Variants in ISY1 observed in about 807,000 individuals in gnomAD.
ISY1 encodes the protein ISY1 spliceosome associated protein, also known as pre-mRNA-splicing factor ISY1 homolog.
A neutral mutation model predicts 54.4 loss-of-function variants in ISY1; 12 were observed. The observed-to-expected ratio is 0.22, with a 90% CI of 0.14 to 0.36. The LOEUF is 0.36. ISY1 is among the 10% of genes least tolerant of loss of function. The probability of loss-of-function intolerance (pLI) is 1.00; values close to 1 mark genes in which losing one functional copy is unlikely to be tolerated. For missense variants in ISY1, 282 were observed against 342.2 expected (o/e 0.82, Z 1.39); for synonymous variants, 96 against 117.9 (o/e 0.81, Z 1.20).
intron 5 of ISY1, among the ~76,000 whole-genome samples, chr3:129,151,735 T>G (rs1936978462): frequency 6.6e-6 from 1 of 152,236 alleles, no homozygotes; most frequent in African/African-American, 2.4e-5. Context: ...TTTACCGCAC[T>G]GGCTAGGATT....
intron 5 of ISY1, among the ~76,000 whole-genome samples, chr3:129,156,364 A>G (rs1038525924): frequency 1.4e-5 from 2 of 143,968 alleles, no homozygotes; most frequent in African/African-American, 5.1e-5. Context: ...GCACCACTGC[A>G]CTCCAGCCTG....
At chr3:129,150,413 G>C (rs1936929916) in intron 5 of ISY1, among the ~76,000 whole-genome samples, 2 of 152,158 alleles carry the variant, frequency 1.3e-5, no homozygotes, top group African/African-American at 2.4e-5. Context: ...TATTTTGTTA[G>C]ATTTATACCT....
intron 3 of ISY1, among the ~76,000 whole-genome samples, chr3:129,157,706 G>A (rs1160793320): frequency 7.7e-6 from 1 of 129,824 alleles, no homozygotes; most frequent in Non-Finnish European, 1.6e-5. Context: ...GAGCGACAGA[G>A]CGTCCATCTC....
rs1485416284 is a variant in ISY1, at chr3:129,158,540, G to A, written c.46C>T (p.Arg16Cys). Residue 16 changes from arginine to cysteine, a missense_variant, in exon 3 of 11, where the codon CGC (arginine) becomes TGC (cysteine). By Grantham distance (180) the Arg-to-Cys change is radical (BLOSUM62 -3). This residue lies in a region of ISY1 where 279 missense variants were observed against 323.6 expected (regional missense o/e 0.86). Transcript: ENST00000393295. ...TTTCCCTCTTCCAGCTGAGCCTGGCGAAATCTTGCTAAGGCCGTCCTACCA... is the reference window on the plus strand; with the variant it reads ...TTTCCCTCTTCCAGCTGAGCCTGGCAAAATCTTGCTAAGGCCGTCCTACCA... Reference protein sequence around the residue: ...EKAMTALARFRQAQLEEGKVK... With the variant: ...EKAMTALARFCQAQLEEGKVK... 15 of 1,613,958 alleles carry A rather than the reference G, an allele frequency of 9.3e-6. No homozygotes were observed. The highest frequency in any genetic ancestry group is 1.3e-5 in the Non-Finnish European group (15 of 1,180,002).
At chr3:129,136,339 T>C (rs1936400727) in intron 7 of ISY1, among the ~76,000 whole-genome samples, 1 of 152,074 alleles carries the variant, frequency 6.6e-6, no homozygotes, top group African/African-American at 2.4e-5. Context: ...TGACCTCAGG[T>C]GATCCACCCG....
chr3:129,138,433 A>C (rs1254471165), intron 7 of ISY1, among the ~76,000 whole-genome samples: 1 of 152,008 alleles, frequency 6.6e-6, no homozygotes, highest in Non-Finnish European at 1.5e-5. Flanking sequence ...CAGGAGATCG[A>C]GACCATCCTG....
intron 5 of ISY1, among the ~76,000 whole-genome samples, chr3:129,154,692 CT>C (rs71153171): frequency 3.1e-4 from 43 of 136,520 alleles, no homozygotes; most frequent in East Asian, 1.9e-3. Context: ...TTTTATTGAT[CT>C]TTTTTTTTTT....
intron 10 of ISY1, 91 bp downstream of exon 10, chr3:129,130,459 A>G (rs1936205449): frequency 8.7e-6 from 13 of 1,489,116 alleles, no homozygotes; most frequent in Non-Finnish European, 1.2e-5. Flanking sequence ...CCTGATGGGT[A>G]GGAAGGACAA....
chr3:129,139,459 C>T lies in ISY1; in HGVS notation c.418+909G>A, dbSNP rs369537776. 3.9e-4 allele frequency among the ~76,000 whole-genome samples: 59 copies of T among 152,212 alleles called. No individual in the cohort carries two copies. In the South Asian group the frequency reaches 0.012, roughly 32 times the overall value. ...ATGCTAATAATGGTGAAAATACTGG[C>T]ATCATTCTTCTCTGCCTCTCATACT... On this transcript the variant is annotated intron_variant, in intron 7 of 10. Coordinates refer to ENST00000393295, the MANE Select transcript of ISY1 (RefSeq NM_020701.4).
At chr3:129,151,398 G>A (rs923009040) in intron 5 of ISY1, among the ~76,000 whole-genome samples, 12 of 151,694 alleles carry the variant, frequency 7.9e-5, no homozygotes, top group African/African-American at 2.9e-4. Flanking sequence ...GGAGGCAGAG[G>A]CGGGTGGATC....
At chr3:129,130,737 A>C (rs1936215551) in intron 9 of ISY1, 101 bp from the exon 10 acceptor site, 1 of 1,291,310 alleles carries the variant, frequency 7.7e-7, no homozygotes, top group East Asian at 2.6e-5. Flanking sequence ...AAAAGAAAAA[A>C]AAACTAAGAA....
intron 5 of ISY1, 60 bp from the exon 6 acceptor site, chr3:129,145,933 AC>A: frequency 1.3e-6 from 2 of 1,508,328 alleles, no homozygotes; most frequent in Non-Finnish European, 1.8e-6. Context: ...CACCTCTAAC[AC>A]GTACACTTAG....
At chr3:129,140,813 C>A (rs1456005287) in intron 6 of ISY1, among the ~76,000 whole-genome samples, 2 of 152,186 alleles carry the variant, frequency 1.3e-5, no homozygotes, top group East Asian at 3.9e-4. Flanking sequence ...TCATGATCCA[C>A]CCACCTCGGC....
chr3:129,157,869 TAAGA>T, intron 3 of ISY1, among the ~76,000 whole-genome samples: 1 of 151,922 alleles, frequency 6.6e-6, no homozygotes, highest in East Asian at 1.9e-4. Flanking sequence ...CAGGTACAGA[TAAGA>T]AATAGGAAAT....
At chr3:129,149,584 TAAAAAAAAAAAA>T (rs149839273) in intron 5 of ISY1, among the ~76,000 whole-genome samples, 23 of 16,682 alleles carry the variant, frequency 1.4e-3, no homozygotes, top group African/African-American at 5.2e-3. Flanking sequence ...CCGTCTCTAC[TAAAAAAAAAAAA>T]AAAAAAAAAA....
At chr3:129,156,750 T>C (rs1937154338) in intron 4 of ISY1, 75 bp from the exon 5 acceptor site, 1 of 1,550,382 alleles carries the variant, frequency 6.5e-7, no homozygotes. Context: ...AATTCAAAAT[T>C]AGTATTTAAA....
At chr3:129,160,304 C>A (rs1419405603) in intron 1 of ISY1, among the ~76,000 whole-genome samples, 1 of 151,940 alleles carries the variant, frequency 6.6e-6, no homozygotes, top group Non-Finnish European at 1.5e-5. Context: ...AATACAGTAG[C>A]CAATATTACG....
rs947045254 is a variant in ISY1 at position 129,160,610 on chromosome 3, T to C, written c.3+363A>G. Among the ~76,000 whole-genome samples, 4 of 152,164 alleles carry C rather than the reference T, an allele frequency of 2.6e-5. No individual in the cohort carries two copies. In the South Asian group the frequency reaches 8.3e-4, roughly 32 times the overall value. On this transcript the variant is annotated intron_variant, in intron 1 of 10. Transcript: ENST00000393295. Reference sequence around the variant, plus strand: ...TAAATGAAATAATCCCAGAAACATATAGTCACAACTGCTCTTAATCTTCTC... The same window carrying C: ...TAAATGAAATAATCCCAGAAACATACAGTCACAACTGCTCTTAATCTTCTC...
At chr3:129,151,295 T>G (rs1347098899) in intron 5 of ISY1, among the ~76,000 whole-genome samples, 1 of 151,662 alleles carries the variant, frequency 6.6e-6, no homozygotes, top group Non-Finnish European at 1.5e-5. Context: ...ATTTTAGAAG[T>G]CTTTCTGTAG....
Sources: gnomAD v4.1 joint callset for allele counts (sites outside exome capture counted in the v4.1 genomes callset) on GRCh38, gnomAD v4.1.1 for gene constraint, gnomAD v4.1.1 regional missense constraint, MANE v1.5 for transcripts, NCBI Gene and HGNC (gene_info 2026-07-23, HGNC 2026-07-21) for gene names.